Variants in PJA2 observed in about 807,000 individuals in gnomAD.
The protein encoded by PJA2 is praja ring finger ubiquitin ligase 2.
A neutral mutation model predicts 69.3 loss-of-function variants in PJA2; 25 were observed. That is an observed-to-expected ratio of 0.36 (90% CI 0.26 to 0.50). PJA2 has a LOEUF of 0.50. Among genes scored for constraint, PJA2 ranks in the 20% least tolerant of loss-of-function variants. PJA2 has a pLI of 0.96. For synonymous variants in PJA2, 308 were observed against 277.8 expected (o/e 1.11, Z -1.08); for missense variants, 809 against 830.2 (o/e 0.97, Z 0.31).
chr5:109,354,528 TATA>T (rs199890291), intron 7 of PJA2, among the ~76,000 whole-genome samples: 464 of 43,632 alleles, frequency 0.011, 21 homozygotes, highest in East Asian at 0.065. Context: ...ATTAGATATC[TATA>T]ATATCTATAG....
chr5:109,383,276 T>C, intron 2 of PJA2, 127 bp downstream of exon 2: 2 of 676,600 alleles, frequency 3.0e-6, no homozygotes, highest in Non-Finnish European at 4.9e-6. Flanking sequence ...AAATATTCAA[T>C]ATATGGATCA....
chr5:109,380,992 G>A (rs977195649), intron 3 of PJA2, among the ~76,000 whole-genome samples: 2 of 151,698 alleles, frequency 1.3e-5, no homozygotes, highest in East Asian at 1.9e-4. Context: ...ACAAACACCT[G>A]TAATCCCAGC....
Position 109,379,278 on chromosome 5 carries a change from A to G in PJA2, c.233-24T>C, listed in dbSNP as rs781750356. The G allele has an allele frequency of 5.2e-5, 78 of 1,511,482 alleles. 1 individual carries two copies. The Admixed American group carries it at 1.6e-3, about 30-fold the overall frequency. The allele number at this position is 1,511,482 out of a possible 1,614,324, so 93.6% of individuals were successfully genotyped here. A position where few individuals can be genotyped will look rare whatever the true frequency, so the allele number is the denominator to read the frequency against. On this transcript the variant is annotated intron_variant, in intron 3 of 9. Coordinates refer to ENST00000361189, the MANE Select transcript of PJA2 (RefSeq NM_014819.5). ...ACCTTCATAAAAAACAAAAGAAAAC[A>G]TATTTTAAAGGATTAACTTAGATAA...
At chr5:109,348,212 G>A (rs1425377335) in intron 7 of PJA2, among the ~76,000 whole-genome samples, 2 of 152,182 alleles carry the variant, frequency 1.3e-5, no homozygotes, top group African/African-American at 4.8e-5. Flanking sequence ...AAATCGTGAT[G>A]TGAGATGGAT....
intron 1 of PJA2, among the ~76,000 whole-genome samples, chr5:109,408,651 G>C (rs1409957937): frequency 6.6e-6 from 1 of 152,140 alleles, no homozygotes; most frequent in Non-Finnish European, 1.5e-5. Flanking sequence ...GGGATGAAAA[G>C]AAATATTTAA....
chr5:109,391,085 C>T (rs146879429), intron 1 of PJA2, among the ~76,000 whole-genome samples: 106 of 152,246 alleles, frequency 7.0e-4, no homozygotes, highest in African/African-American at 2.5e-3. Flanking sequence ...AAAGACCCTA[C>T]TAAACCCATT....
rs555064310 is a variant in PJA2 at position 109,371,057 on chromosome 5, T to C, written c.1284-2311A>G. Among the ~76,000 whole-genome samples the C allele has an allele frequency of 3.3e-5, 5 of 152,338 alleles. No individual in the cohort carries two copies. The South Asian group carries it at 1.0e-3, about 32-fold the overall frequency. On this transcript the variant is annotated intron_variant, in intron 4 of 9. Coordinates refer to ENST00000361189, the MANE Select transcript of PJA2 (RefSeq NM_014819.5). The stretch of plus-strand genomic sequence containing the variant: ...AAACCTGACTCTGCTGCCTGTTTTT[T>C]AATGGTGTGTGAGCTAAAAATGGTT...
chr5:109,404,880 T>C (rs1046829755), intron 1 of PJA2, among the ~76,000 whole-genome samples: 24 of 152,182 alleles, frequency 1.6e-4, no homozygotes, highest in African/African-American at 5.5e-4. Context: ...CTTCTTAAGA[T>C]CAGGAACAGA....
At chr5:109,409,156 G>A (rs1017882522) in intron 1 of PJA2, 3 of 152,196 alleles carry the variant, frequency 2.0e-5, no homozygotes, top group Non-Finnish European at 4.4e-5. Context: ...GTCATCTGAG[G>A]GAGGCCAAAT....
Position 109,362,891 on chromosome 5 carries a change from T to C in PJA2, c.1601A>G (p.Asn534Ser), listed in dbSNP as rs776677623. 10 of 1,613,682 alleles carry C rather than the reference T, an allele frequency of 6.2e-6. No homozygotes were observed. Among genetic ancestry groups the C allele is most frequent in the East Asian group, 2.2e-5 (1 of 44,880 alleles). ...AQPAFMLDGN[N>S]NLEDDSSVSE... ...CACACTGGAGTCATCCTCCAGGTTA[T>C]TGTTACCATCCAACATGAAAGCTGG... Residue 534 changes from asparagine to serine, a missense_variant, in exon 6 of 10, where the codon AAT becomes AGT. By Grantham distance (46) the Asn-to-Ser change is conservative. This residue lies in a region of PJA2 where 700 missense variants were observed against 639.5 expected (regional missense o/e 1.09). Transcript: ENST00000361189.
chr5:109,354,592 A>AT (rs1762377879), intron 7 of PJA2, among the ~76,000 whole-genome samples: 1 of 126,562 alleles, frequency 7.9e-6, no homozygotes, highest in Admixed American at 8.2e-5. Context: ...ATCTATATCG[A>AT]TATTACATAT....
intron 9 of PJA2, among the ~76,000 whole-genome samples, chr5:109,340,804 C>T (rs1453015513): frequency 2.9e-5 from 3 of 105,074 alleles, no homozygotes; most frequent in Non-Finnish European, 6.8e-5. Context: ...GCTCGCGCCG[C>T]CACACCTGAC....
In PJA2 at chr5:109,378,949, G is replaced by A. The variant is rs2127006534; in HGVS notation, c.538C>T (p.His180Tyr). 3.7e-6 allele frequency: 6 copies of A among 1,614,116 alleles called. No homozygotes were observed. Among genetic ancestry groups the A allele is most frequent in the Middle Eastern group, 1.6e-4 (1 of 6,062 alleles). Residue 180 changes from histidine to tyrosine, a missense_variant, in exon 4 of 10, where the codon CAT becomes TAT. By Grantham distance (83) the His-to-Tyr change is moderately conservative. Around this residue, in one of 4 missense-constraint regions of PJA2, gnomAD observed 700 missense variants for 639.5 expected, o/e 1.09. Coordinates refer to ENST00000361189, the MANE Select transcript of PJA2 (RefSeq NM_014819.5). ...ACGACTTCTGCAGAAAGTTGAAGATGGTCATTATCTTCTCCATGTTTGCCA... is the reference window on the plus strand; with the variant it reads ...ACGACTTCTGCAGAAAGTTGAAGATAGTCATTATCTTCTCCATGTTTGCCA... ...PDGKHGEDND[H>Y]LQLSAEVVEG... is the part of the protein sequence containing the mutation.
chr5:109,381,521 G>C lies in PJA2; in HGVS notation c.214C>G (p.Pro72Ala). ...DYEVLELDDV[P>A]KENSSGSSPL... Reference sequence around the variant, plus strand: ...TACACACCTGAGGAATTTTCCTTTGGAACATCATCTAGTTCCAACACTTCA... The same window carrying C: ...TACACACCTGAGGAATTTTCCTTTGCAACATCATCTAGTTCCAACACTTCA... The change falls in exon 3 of 10, where the codon CCA becomes GCA. Residue 72 changes from proline to alanine, a missense_variant. Transcript: ENST00000361189. 3 of 1,613,738 alleles carry C rather than the reference G, an allele frequency of 1.9e-6. No homozygotes were observed. The highest frequency in any genetic ancestry group is 1.7e-6 in the Non-Finnish European group (2 of 1,179,902).
chr5:109,346,194 T>C (rs1324101629), intron 7 of PJA2, among the ~76,000 whole-genome samples: 1 of 152,216 alleles, frequency 6.6e-6, no homozygotes, highest in Non-Finnish European at 1.5e-5. Flanking sequence ...TAGTATTATA[T>C]CCTAATTACA....
intron 1 of PJA2, among the ~76,000 whole-genome samples, chr5:109,389,213 G>C (rs1359834994): frequency 1.3e-5 from 2 of 152,206 alleles, no homozygotes; most frequent in Non-Finnish European, 2.9e-5. Context: ...AGAAGAGTCT[G>C]TGTAAACCCA....
At chr5:109,344,349 T>C (rs781448255) in intron 8 of PJA2, 38 bp from the exon 9 acceptor site, 8 of 1,558,960 alleles carry the variant, frequency 5.1e-6, no homozygotes, top group Non-Finnish European at 4.3e-6. Context: ...TCACACGTAG[T>C]TCAATTTTAG....
chr5:109,354,040 TATAGATTAGATATCTATG>T (rs1762342404), intron 7 of PJA2, among the ~76,000 whole-genome samples: 1 of 143,950 alleles, frequency 6.9e-6, no homozygotes, highest in South Asian at 2.3e-4. Context: ...TAGAGATATC[TATAGATTAGATATCTATG>T]ATATCTAGAG....
At chr5:109,352,596 A>ATATAC (rs1303704271) in intron 7 of PJA2, among the ~76,000 whole-genome samples, 4 of 152,122 alleles carry the variant, frequency 2.6e-5, no homozygotes, top group African/African-American at 9.6e-5. Flanking sequence ...CTTTTTTCCT[A>ATATAC]GTATAGAGTA....
Sources: allele counts gnomAD v4.1 joint callset (sites outside exome capture counted in the v4.1 genomes callset), GRCh38; gene constraint gnomAD v4.1.1; regional missense constraint gnomAD v4.1.1; transcripts MANE v1.5; gene names NCBI Gene and HGNC (gene_info 2026-07-23, HGNC 2026-07-21).